Variants in MTAP observed in about 807,000 individuals in gnomAD.
MTAP encodes S-methyl-5'-thioadenosine phosphorylase.
Under a neutral mutation model 33.6 loss-of-function variants are expected in MTAP, and 33 were observed. The observed-to-expected ratio is 0.98, with a 90% CI of 0.74 to 1.31. MTAP has a LOEUF of 1.31. Ranked by LOEUF, MTAP falls within the 40% of genes most tolerant of loss-of-function variation. The pLI is 0.00. For synonymous variants in MTAP, 148 were observed against 125.7 expected, an observed-to-expected ratio of 1.18 and a Z score of -1.19; for missense variants, 367 against 360.0, an observed-to-expected ratio of 1.02 and a Z score of -0.16.
chr9:21,803,815 C>T (rs969737766), intron 1 of MTAP, among the ~76,000 whole-genome samples: 2 of 152,194 alleles, frequency 1.3e-5, no homozygotes, highest in Admixed American at 6.5e-5. Context: ...CTACACTCGA[C>T]TGCAGTTTTC....
chr9:21,899,232 G>GT (rs1397263581), intron 1 of MTAP, among the ~76,000 whole-genome samples: 5 of 117,322 alleles, frequency 4.3e-5, no homozygotes, highest in Non-Finnish European at 8.5e-5. Context: ...GGGGCCTGTT[G>GT]TGGGGTGGGG....
At position 21,837,997 on chromosome 9, in the gene MTAP, C is replaced by T. The variant is rs1348796866; in HGVS notation, c.437C>T (p.Pro146Leu). Residue 146 changes from proline (P) to leucine (L), a missense_variant, in exon 5 of 8, where the codon CCC (proline) becomes CTC (leucine). Physicochemically the swap from Pro to Leu is moderately conservative, Grantham distance 98. Coordinates refer to ENST00000644715, the MANE Select transcript of MTAP (RefSeq NM_002451.4). ...ATTCCAATGGCTGAGCCGTTTTGCC[C>T]CAAAACGAGAGAGGTGTGTAGTCTT... ...CHIPMAEPFC[P>L]KTREVLIETA... 3.7e-6 allele frequency: 6 copies of T among 1,613,512 alleles called. No individual in the cohort carries two copies. In the Admixed American group the frequency reaches 6.7e-5, roughly 18 times the overall value.
At chr9:21,914,442 T>C (rs1818640227) in intron 1 of MTAP, among the ~76,000 whole-genome samples, 1 of 152,110 alleles carries the variant, frequency 6.6e-6, no homozygotes, top group Non-Finnish European at 1.5e-5. Context: ...CATGGAATAC[T>C]ATGCAGCCAT....
At chr9:21,940,854 A>G (rs1366838158), downstream of MTAP, 3 of 207,450 alleles carry the variant, frequency 1.4e-5, no homozygotes, top group African/African-American at 7.1e-5. Context: ...CATAGGTATG[A>G]TTAGTTAAAT....
chr9:21,938,523 T>C (rs150588838), downstream of MTAP, among the ~76,000 whole-genome samples: 28 of 152,290 alleles, frequency 1.8e-4, no homozygotes, highest in East Asian at 5.4e-3. Context: ...GGGTGATGTT[T>C]AACCTTCTTA....
At chr9:21,903,149 T>C (rs932021911) in intron 1 of MTAP, among the ~76,000 whole-genome samples, 1 of 152,156 alleles carries the variant, frequency 6.6e-6, no homozygotes, top group Non-Finnish European at 1.5e-5. Context: ...TGGGGCCTGC[T>C]TTGTTAGATG....
chr9:21,911,584 G>C (rs1285022164), intron 1 of MTAP, among the ~76,000 whole-genome samples: 3 of 152,042 alleles, frequency 2.0e-5, no homozygotes, highest in Non-Finnish European at 2.9e-5. Context: ...AAACCAACGA[G>C]AACAAAGACA....
chr9:21,841,481 G>T (rs1268286710), intron 5 of MTAP, among the ~76,000 whole-genome samples: 8 of 152,276 alleles, frequency 5.3e-5, no homozygotes, highest in Non-Finnish European at 1.0e-4. Flanking sequence ...AAGAGAGCCA[G>T]CACATTAAAC....
At position 21,863,001 on chromosome 9, in the gene MTAP, A is replaced by T. The variant is rs767958210; in HGVS notation, c.*987A>T. 9 of 984,850 alleles carry T rather than the reference A, an allele frequency of 9.1e-6. No homozygotes were observed. The highest frequency in any genetic ancestry group is 1.1e-5 in the Non-Finnish European group (9 of 829,386). 61.0% of individuals were successfully genotyped at this position (984,850 alleles called of 1,614,324 possible). A position where few individuals can be genotyped will look rare whatever the true frequency, so the allele number is the denominator to read the frequency against. On this transcript the variant is annotated 3_prime_UTR_variant, in exon 8 of 8. Coordinates refer to ENST00000644715, the MANE Select transcript of MTAP (RefSeq NM_002451.4). ...ATGAAGCAGAATTTAAGTTGGTAAT[A>T]TTAAGGTGAATGTCATTTAAGGGAG...
At chr9:21,927,883 A>T (rs571755234) in intron 1 of MTAP, among the ~76,000 whole-genome samples, 1 of 152,266 alleles carries the variant, frequency 6.6e-6, no homozygotes, top group Non-Finnish European at 1.5e-5. Flanking sequence ...CTCCTATTAC[A>T]TAGAGACCTC....
chr9:21,929,544 A>C (rs1818921938), intron 1 of MTAP: 1 of 339,342 alleles, frequency 2.9e-6, no homozygotes, highest in Admixed American at 2.7e-5. Flanking sequence ...AAGCTCAGCA[A>C]TTGCTCCAAA....
chr9:21,903,315 G>C (rs1339448939), intron 1 of MTAP, among the ~76,000 whole-genome samples: 1 of 152,104 alleles, frequency 6.6e-6, no homozygotes, highest in Non-Finnish European at 1.5e-5. Flanking sequence ...TATGACAAAA[G>C]ATTTTTTTTT....
rs74811674 is a variant in MTAP, at chr9:21,917,394, G to T, written c.148-13614G>T. ...CAGAGACGAAAGCAAGGCCTACCCTGGGTACTGCAATGTTAGTAGGTCAAG... is the reference window on the plus strand; with the variant it reads ...CAGAGACGAAAGCAAGGCCTACCCTTGGTACTGCAATGTTAGTAGGTCAAG... On this transcript the variant is annotated intron_variant, in intron 1 of 1. Transcript: ENST00000577563. 3.8e-3 allele frequency among the ~76,000 whole-genome samples: 581 copies of T among 152,280 alleles called. 14 individuals carry two copies. In the East Asian group the frequency reaches 0.047, roughly 12 times the overall value.
chr9:21,832,420 CTCAT>C (rs902392616), intron 4 of MTAP, among the ~76,000 whole-genome samples: 1 of 152,232 alleles, frequency 6.6e-6, no homozygotes, highest in Non-Finnish European at 1.5e-5. Flanking sequence ...AGCTCTTTCT[CTCAT>C]TGCTAAAAAT....
chr9:21,894,372 C>T (rs899989075), intron 1 of MTAP, among the ~76,000 whole-genome samples: 71 of 152,030 alleles, frequency 4.7e-4, no homozygotes, highest in African/African-American at 1.6e-3. Context: ...CTCACCACTC[C>T]TAATCAACAT....
chr9:21,859,527 C>A (rs913672216), intron 7 of MTAP, 102 bp downstream of exon 7: 3 of 1,355,630 alleles, frequency 2.2e-6, no homozygotes, highest in Non-Finnish European at 2.9e-6. Context: ...TTATGCCAGC[C>A]TAGATGTTTT....
In MTAP at chr9:21,864,840, G is replaced by A; in HGVS notation, c.*2826G>A. 1 of 985,464 alleles carries A rather than the reference G, an allele frequency of 1.0e-6. No homozygotes were observed. The highest frequency in any genetic ancestry group is 1.2e-6 in the Non-Finnish European group (1 of 829,952). 61.0% of individuals were successfully genotyped at this position (985,464 alleles called of 1,614,324 possible). ...GCTCTGGCATCCACAGGATGCTCCT[G>A]GAGCCTCTTCTCTGGCTGCTACCTC... On this transcript the variant is annotated 3_prime_UTR_variant, in exon 8 of 8. Coordinates refer to ENST00000644715, the MANE Select transcript of MTAP (RefSeq NM_002451.4).
At chr9:21,821,630 C>T (rs1439753585) in intron 4 of MTAP, among the ~76,000 whole-genome samples, 1 of 152,124 alleles carries the variant, frequency 6.6e-6, no homozygotes, top group East Asian at 1.9e-4. Context: ...CAGGATGATG[C>T]TGGCCTCATA....
At chr9:21,912,335 A>G (rs1401203984) in intron 1 of MTAP, among the ~76,000 whole-genome samples, 1 of 152,240 alleles carries the variant, frequency 6.6e-6, no homozygotes, top group Non-Finnish European at 1.5e-5. Flanking sequence ...ACAAAAAAAG[A>G]GAATTTTAGA....
Sources: allele counts gnomAD v4.1 joint callset (sites outside exome capture counted in the v4.1 genomes callset), GRCh38; gene constraint gnomAD v4.1.1; transcripts MANE v1.5; gene names NCBI Gene and HGNC (gene_info 2026-07-23, HGNC 2026-07-21).